The following IMMP2L variants were observed in gnomAD, a reference collection of about 807,000 sequenced individuals.
IMMP2L encodes the protein inner mitochondrial membrane peptidase subunit 2.
A neutral mutation model predicts 19.3 loss-of-function variants in IMMP2L; 18 were observed. That is an observed-to-expected ratio of 0.93 (90% confidence interval 0.64 to 1.38). IMMP2L has a LOEUF of 1.38. IMMP2L is among the 40% of genes most tolerant of loss of function. The pLI is 0.00. For missense variants in IMMP2L, 233 were observed against 218.2 expected, an observed-to-expected ratio of 1.07 and a Z score of -0.43; for synonymous variants, 76 against 73.0, an observed-to-expected ratio of 1.04 and a Z score of -0.21.
At chr7:110,790,410 T>G (rs1392976117) in intron 5 of IMMP2L, among the ~76,000 whole-genome samples, 2 of 151,726 alleles carry the variant, frequency 1.3e-5, no homozygotes, top group East Asian at 3.9e-4. Context: ...TGGATAATTG[T>G]CTATATGAAG....
At chr7:110,713,248 A>C (rs1795015049) in intron 5 of IMMP2L, among the ~76,000 whole-genome samples, 1 of 152,090 alleles carries the variant, frequency 6.6e-6, no homozygotes, top group Admixed American at 6.5e-5. Flanking sequence ...TGGGTTCTCT[A>C]TTCTGTTCCA....
intron 5 of IMMP2L, among the ~76,000 whole-genome samples, chr7:110,880,902 AAT>A (rs1809571876): frequency 6.6e-6 from 1 of 152,128 alleles, no homozygotes; most frequent in Non-Finnish European, 1.5e-5. Flanking sequence ...CTAAAAATGA[AAT>A]CATGTGGAAA....
intron 4 of IMMP2L, among the ~76,000 whole-genome samples, chr7:110,895,026 C>A (rs905666859): frequency 6.6e-6 from 1 of 152,138 alleles, no homozygotes; most frequent in Non-Finnish European, 1.5e-5. Flanking sequence ...AAGACACACC[C>A]AAGACTGGGC....
intron 3 of IMMP2L, among the ~76,000 whole-genome samples, chr7:111,073,483 C>A (rs1795135922): frequency 6.6e-6 from 1 of 151,968 alleles, no homozygotes; most frequent in Non-Finnish European, 1.5e-5. Context: ...TTCATTCAAG[C>A]CTGCATGCTT....
chr7:111,469,831 A>G (rs1841051970), intron 3 of IMMP2L, among the ~76,000 whole-genome samples: 1 of 152,156 alleles, frequency 6.6e-6, no homozygotes, highest in Non-Finnish European at 1.5e-5. Flanking sequence ...CTTCATGTCT[A>G]AAACACCAAA....
At chr7:111,364,913 T>G (rs937626117) in intron 3 of IMMP2L, among the ~76,000 whole-genome samples, 2 of 150,812 alleles carry the variant, frequency 1.3e-5, no homozygotes, top group African/African-American at 4.9e-5. Context: ...GAGGTTGCAG[T>G]GAGCCAAGAT....
chr7:111,417,965 A>G (rs900367812), intron 3 of IMMP2L, among the ~76,000 whole-genome samples: 1 of 151,880 alleles, frequency 6.6e-6, no homozygotes, highest in Non-Finnish European at 1.5e-5. Flanking sequence ...CAATAATAAA[A>G]ACAAAATCTT....
chr7:111,388,642 C>T (rs548806915), intron 3 of IMMP2L, among the ~76,000 whole-genome samples: 2 of 151,788 alleles, frequency 1.3e-5, no homozygotes, highest in Non-Finnish European at 2.9e-5. Context: ...TGGCAGGAAG[C>T]GAAAAGTACT....
intron 2 of IMMP2L, among the ~76,000 whole-genome samples, chr7:111,503,952 T>C (rs938989229): frequency 2.6e-5 from 4 of 152,014 alleles, no homozygotes; most frequent in African/African-American, 9.7e-5. Flanking sequence ...TTCAACATAG[T>C]GTTGGAAATT....
chr7:111,262,439 C>T (rs1817409606), intron 3 of IMMP2L, among the ~76,000 whole-genome samples: 1 of 151,912 alleles, frequency 6.6e-6, no homozygotes, highest in African/African-American at 2.4e-5. Context: ...GTACAGAAGC[C>T]CTGCAGCAGT....
At chr7:111,382,234 A>G (rs111908745) in intron 3 of IMMP2L, among the ~76,000 whole-genome samples, 4 of 152,168 alleles carry the variant, frequency 2.6e-5, no homozygotes, top group African/African-American at 9.6e-5. Context: ...AAATTCATAA[A>G]GAGTAGAATC....
At chr7:110,664,068 T>C (rs1458406192) in intron 5 of IMMP2L, among the ~76,000 whole-genome samples, 1 of 152,062 alleles carries the variant, frequency 6.6e-6, no homozygotes, top group Non-Finnish European at 1.5e-5. Flanking sequence ...GGTTAGTCTG[T>C]GTTTAGAACC....
chr7:110,912,350 G>A (rs549900520), intron 4 of IMMP2L, among the ~76,000 whole-genome samples: 1 of 152,096 alleles, frequency 6.6e-6, no homozygotes, highest in Non-Finnish European at 1.5e-5. Flanking sequence ...CAATGTAAGT[G>A]TTCAGGTAAG....
chr7:111,215,680 G>A (rs1004288540), intron 3 of IMMP2L, among the ~76,000 whole-genome samples: 3 of 152,072 alleles, frequency 2.0e-5, no homozygotes, highest in Non-Finnish European at 4.4e-5. Flanking sequence ...TCAATCATTG[G>A]GTAAGCTTTA....
chr7:111,550,913 C>T (rs1212982698), intron 1 of IMMP2L, among the ~76,000 whole-genome samples: 1 of 152,056 alleles, frequency 6.6e-6, no homozygotes, highest in Admixed American at 6.6e-5. Context: ...CAAAGAACTG[C>T]TAAAGAGGGA....
intron 3 of IMMP2L, among the ~76,000 whole-genome samples, chr7:111,370,042 C>T (rs1053780928): frequency 3.3e-5 from 5 of 152,066 alleles, no homozygotes; most frequent in African/African-American, 1.2e-4. Context: ...GAAAAGGTGA[C>T]ATATTAAAAT....
rs191919903 is a variant in IMMP2L, at chr7:110,855,476, G to A, written c.408+31117C>T. Among the ~76,000 whole-genome samples the A allele has an allele frequency of 2.3e-3, 346 of 152,018 alleles. 2 individuals carry two copies. Among genetic ancestry groups the A allele is most frequent in the African/African-American group, 7.9e-3 (328 of 41,522 alleles). ...CTGGAGAAGTCATCTCACTTCTCAG[G>A]ACTTCATTTCGTAAGACTGATATGC... On this transcript the variant is annotated intron_variant, in intron 5 of 5. Coordinates refer to ENST00000405709, the MANE Select transcript of IMMP2L (RefSeq NM_032549.4).
intron 1 of IMMP2L, among the ~76,000 whole-genome samples, chr7:111,561,323 T>A (rs1792018661): frequency 6.6e-6 from 1 of 152,148 alleles, no homozygotes; most frequent in Non-Finnish European, 1.5e-5. Flanking sequence ...TCAAAACATC[T>A]TCTTCTGTAA....
At chr7:111,434,645 A>C (rs1213079980) in intron 3 of IMMP2L, among the ~76,000 whole-genome samples, 1 of 151,614 alleles carries the variant, frequency 6.6e-6, no homozygotes, top group East Asian at 1.9e-4. Flanking sequence ...TCTTGGATTC[A>C]AGAGATTCTC....
Sources: gnomAD v4.1 joint callset for allele counts (sites outside exome capture counted in the v4.1 genomes callset) on GRCh38, gnomAD v4.1.1 for gene constraint, MANE v1.5 for transcripts, NCBI Gene and HGNC (gene_info 2026-07-23, HGNC 2026-07-21) for gene names.